Variants in KATNA1 observed in about 807,000 individuals in gnomAD.
The protein encoded by KATNA1 is katanin p60 ATPase-containing subunit A1.
A neutral mutation model predicts 62.6 loss-of-function variants in KATNA1; 42 were observed. The observed-to-expected ratio is 0.67, with a 90% CI of 0.52 to 0.87. The LOEUF is 0.87. Among genes scored for constraint, KATNA1 ranks in the 40% least tolerant of loss-of-function variants. KATNA1 has a pLI of 0.00. For synonymous variants in KATNA1, 186 were observed against 201.9 expected (o/e 0.92, Z 0.67); for missense variants, 498 against 612.5 (o/e 0.81, Z 1.97).
intron 4 of KATNA1, among the ~76,000 whole-genome samples, chr6:149,617,782 A>G (rs1314003013): frequency 6.6e-6 from 1 of 152,082 alleles, no homozygotes; most frequent in East Asian, 1.9e-4. Context: ...TAAAAAACAC[A>G]AAAATTAGCT....
In KATNA1 at chr6:149,605,002, A is replaced by G. The variant is rs200396774; in HGVS notation, c.502-220T>C. Among the ~76,000 whole-genome samples the G allele has an allele frequency of 1.3e-4, 20 of 152,166 alleles. No homozygotes were observed. In the East Asian group the frequency reaches 2.9e-3, roughly 22 times the overall value. ...ATCCTGGCTAACAGGGTGAAACCCC[A>G]TCTCTACTAAAAATACAAAAAATTA... is the stretch of plus-strand genomic sequence containing the variant. On this transcript the variant is annotated intron_variant, in intron 4 of 10. Transcript: ENST00000367411.
At chr6:149,622,194 G>A (rs185703843) in intron 4 of KATNA1, among the ~76,000 whole-genome samples, 1,864 of 151,018 alleles carry the variant, frequency 0.012, 16 homozygotes, top group Middle Eastern at 0.041. Context: ...GTGCGGTGGC[G>A]CGGTCTCGGC....
chr6:149,623,312 T>C lies in KATNA1; in HGVS notation c.321-29A>G, dbSNP rs1156307104. 3.3e-6 allele frequency: 5 copies of C among 1,524,102 alleles called. No individual in the cohort carries two copies. The African/African-American group carries it at 6.9e-5, about 21-fold the overall frequency. The allele number at this position is 1,524,102 out of a possible 1,614,324, so 94.4% of individuals were successfully genotyped here. A position where few individuals can be genotyped will look rare whatever the true frequency, so the allele number is the denominator to read the frequency against. ...ATCAAACAAAAACTCATTAATATCA[T>C]AATCAACTCCACATATGGATGAACA... On this transcript the variant is annotated intron_variant, in intron 3 of 10. Coordinates refer to ENST00000367411, the MANE Select transcript of KATNA1 (RefSeq NM_007044.4).
intron 4 of KATNA1, among the ~76,000 whole-genome samples, chr6:149,614,410 T>C (rs1200110137): frequency 6.6e-6 from 1 of 152,214 alleles, no homozygotes; most frequent in East Asian, 1.9e-4. Context: ...TTTTCTCTTT[T>C]TTCCCTTTTG....
At chr6:149,626,037 A>G (rs1298382840) in intron 3 of KATNA1, among the ~76,000 whole-genome samples, 1 of 152,070 alleles carries the variant, frequency 6.6e-6, no homozygotes, top group Non-Finnish European at 1.5e-5. Context: ...ATGGGGGTTC[A>G]ATTTTGGATT....
At chr6:149,629,829 T>C (rs1027195956) in intron 3 of KATNA1, among the ~76,000 whole-genome samples, 1 of 152,168 alleles carries the variant, frequency 6.6e-6, no homozygotes, top group African/African-American at 2.4e-5. Flanking sequence ...AGATCTGACA[T>C]GGTATATAAA....
At chr6:149,633,135 A>T (rs1342061329) in intron 2 of KATNA1, among the ~76,000 whole-genome samples, 1 of 125,346 alleles carries the variant, frequency 8.0e-6, no homozygotes, top group East Asian at 2.3e-4. Flanking sequence ...ATGGAGTCTC[A>T]CTCTGTCGCC....
At chr6:149,606,173 A>C (rs1778733239) in intron 4 of KATNA1, among the ~76,000 whole-genome samples, 1 of 152,226 alleles carries the variant, frequency 6.6e-6, no homozygotes, top group Non-Finnish European at 1.5e-5. Flanking sequence ...TTCTGACTGC[A>C]GGGTTTGAGA....
At chr6:149,600,770 T>TAA (rs386408910) in intron 7 of KATNA1, among the ~76,000 whole-genome samples, 37,708 of 107,778 alleles carry the variant, frequency 0.35, 7,278 homozygotes, top group East Asian at 0.77. Context: ...ACCCCATCTG[T>TAA]AAAAAAAAAA....
At chr6:149,603,679 C>T (rs1043196682) in intron 5 of KATNA1, among the ~76,000 whole-genome samples, 1 of 152,096 alleles carries the variant, frequency 6.6e-6, no homozygotes, top group African/African-American at 2.4e-5. Context: ...TCTTATGGTC[C>T]TCATTCCATA....
chr6:149,640,151 G>A (rs1780225012), intron 1 of KATNA1, among the ~76,000 whole-genome samples: 1 of 152,168 alleles, frequency 6.6e-6, no homozygotes, highest in African/African-American at 2.4e-5. Flanking sequence ...AAAGTACTAA[G>A]CATACTACTT....
chr6:149,620,178 G>A (rs1478225913), intron 4 of KATNA1, among the ~76,000 whole-genome samples: 1 of 152,148 alleles, frequency 6.6e-6, no homozygotes, highest in Non-Finnish European at 1.5e-5. Context: ...GGTTACTAGA[G>A]GCTGGGATGG....
intron 4 of KATNA1, among the ~76,000 whole-genome samples, chr6:149,605,530 G>A (rs1778705135): frequency 6.6e-6 from 1 of 151,994 alleles, no homozygotes; most frequent in Non-Finnish European, 1.5e-5. Flanking sequence ...ACACATCTCA[G>A]TCCTTACATG....
At position 149,609,802 on chromosome 6, in the gene KATNA1, C is replaced by CAAA. The variant is rs1169018343; in HGVS notation, c.502-5023_502-5021dup. On this transcript the variant is annotated intron_variant, in intron 4 of 10. Coordinates refer to ENST00000367411, the MANE Select transcript of KATNA1 (RefSeq NM_007044.4). ...TGGGCGACAGAGCTAGACTCCATCT[C>CAAA]AAAAAAAAAAAAAATAGGCCAGGTG... is the stretch of plus-strand genomic sequence containing the variant. Among the ~76,000 whole-genome samples, 30 of 64,530 alleles carry CAAA rather than the reference C, an allele frequency of 4.6e-4. 1 individual carries two copies. Among genetic ancestry groups the CAAA allele is most frequent in the East Asian group, 1.1e-3 (1 of 928 alleles). The allele number at this position is 64,530 out of a possible 152,430, so 42.3% of individuals were successfully genotyped here.
chr6:149,611,523 A>AG (rs1226741907), intron 4 of KATNA1, among the ~76,000 whole-genome samples: 2 of 151,872 alleles, frequency 1.3e-5, no homozygotes, highest in Non-Finnish European at 2.9e-5. Context: ...AAGAGCAAAA[A>AG]GCAATAAAGT....
At chr6:149,619,236 T>C (rs1779302923) in intron 4 of KATNA1, among the ~76,000 whole-genome samples, 1 of 152,070 alleles carries the variant, frequency 6.6e-6, no homozygotes, top group Non-Finnish European at 1.5e-5. Context: ...AAAAAAATCC[T>C]CAATGTCACT....
chr6:149,639,642 A>T (rs1780206497), intron 1 of KATNA1, among the ~76,000 whole-genome samples: 1 of 152,112 alleles, frequency 6.6e-6, no homozygotes, highest in South Asian at 2.1e-4. Context: ...ACATTGTTTT[A>T]AAAAAGTTCC....
At chr6:149,645,529 T>C (rs1225539567) in intron 1 of KATNA1, among the ~76,000 whole-genome samples, 1 of 151,810 alleles carries the variant, frequency 6.6e-6, no homozygotes, top group Non-Finnish European at 1.5e-5. Context: ...ACACAATCTA[T>C]TGGTTCAACA....
chr6:149,598,459 T>C, intron 7 of KATNA1, 109 bp from the exon 8 acceptor site: 1 of 1,067,490 alleles, frequency 9.4e-7, no homozygotes. Flanking sequence ...GCACAGTGGC[T>C]CACACCTGTA....
Sources: gnomAD v4.1 joint callset for allele counts (sites outside exome capture counted in the v4.1 genomes callset) on GRCh38, gnomAD v4.1.1 for gene constraint, MANE v1.5 for transcripts, NCBI Gene and HGNC (gene_info 2026-07-23, HGNC 2026-07-21) for gene names.